The following LRRN4 variants were observed in gnomAD, a reference collection of about 807,000 sequenced individuals.
LRRN4 encodes the protein leucine rich repeat neuronal 4, also known as leucine-rich repeat neuronal protein 4.
LRRN4 carries 26 observed loss-of-function variants against 22.3 expected under a neutral mutation model. That is an observed-to-expected ratio of 1.16 (90% CI 0.85 to 1.62). The LOEUF (loss-of-function observed/expected upper bound fraction) is 1.62, where lower values mean the gene tolerates loss of function less well. Ranked by LOEUF, LRRN4 falls within the 40% of genes most tolerant of loss-of-function variation. The pLI, the probability that LRRN4 is intolerant of heterozygous loss-of-function variation, is 0.00. For synonymous variants in LRRN4, 496 were observed against 486.2 expected, an observed-to-expected ratio of 1.02 and a Z score of -0.26; for missense variants, 1,070 against 1,008.5, an observed-to-expected ratio of 1.06 and a Z score of -0.83.
At chr20:6,052,033 G>A (rs1981256942) in intron 2 of LRRN4, 112 bp downstream of exon 2, 2 of 1,332,884 alleles carry the variant, frequency 1.5e-6, no homozygotes, top group South Asian at 1.5e-5. Flanking sequence ...CCTCCTACGA[G>A]CTGGGCACCC....
Position 6,050,820 on chromosome 20 carries a change from GAT to G in LRRN4, c.817_818del (p.Ile273LeufsTer45). 1 of 1,613,782 alleles carries G rather than the reference GAT, an allele frequency of 6.2e-7. No homozygotes were observed. The highest frequency in any genetic ancestry group is 2.2e-5 in the East Asian group (1 of 44,880). On this transcript the variant is annotated frameshift_variant, in exon 3 of 5. Transcript: ENST00000378858. LOFTEE classifies it high-confidence loss of function. ...CCTGTAGATGTGGAGTATCTTGAAA[GAT>G]GTGTGTGGCGACAGAAGCAAGTGCT... The part of the protein sequence containing the change: ...SPALASVATH[I>X]FQDTPHLQVL...
In LRRN4 at chr20:6,041,702, A is replaced by C. The variant is rs1980957968; in HGVS notation, c.1543T>G (p.Ser515Ala). ...ATPQAPNPSL[S>A]EGEIPVLLLD... Reference sequence around the variant, plus strand: ...AGCAAGACTGGAATCTCGCCCTCGGAAAGACTCGGGTTGGGGGCTTGGGGT... The same window carrying C: ...AGCAAGACTGGAATCTCGCCCTCGGCAAGACTCGGGTTGGGGGCTTGGGGT... Residue 515 changes from serine to alanine, a missense_variant, in exon 5 of 5, where the codon TCC becomes GCC. Ser to Ala is a moderately conservative substitution (Grantham distance 99, BLOSUM62 1). Transcript: ENST00000378858. The surrounding 1 kb of genome is among the most constrained non-coding windows in gnomAD (Gnocchi z 9.4). 1 of 1,613,106 alleles carries C rather than the reference A, an allele frequency of 6.2e-7. No individual in the cohort carries two copies. Among genetic ancestry groups the C allele is most frequent in the Admixed American group, 1.7e-5 (1 of 59,958 alleles).
At chr20:6,050,753 T>G in intron 3 of LRRN4, 26 bp downstream of exon 3, 1 of 1,604,932 alleles carries the variant, frequency 6.2e-7, no homozygotes, top group South Asian at 1.1e-5. Flanking sequence ...AGTCATGTGA[T>G]GAAGATGTGC....
At chr20:6,045,658 T>C (rs908656765) in intron 3 of LRRN4, among the ~76,000 whole-genome samples, 1 of 148,826 alleles carries the variant, frequency 6.7e-6, no homozygotes, top group Non-Finnish European at 1.5e-5. Context: ...GTAGAGAGTA[T>C]CCTCCAAACT....
In LRRN4 at chr20:6,053,786, C is replaced by T. The variant is rs564313309; in HGVS notation, c.-6+44G>A. Reference sequence around the variant, plus strand: ...GAAGGCAGTGAGAAAGATCCTGGAACCTGAAGCCAGGAGCGTGTGCACCCA... The same window carrying T: ...GAAGGCAGTGAGAAAGATCCTGGAATCTGAAGCCAGGAGCGTGTGCACCCA... On this transcript the variant is annotated intron_variant, in intron 1 of 4. Coordinates refer to ENST00000378858, the MANE Select transcript of LRRN4 (RefSeq NM_152611.5). The T allele has an allele frequency of 7.7e-4, 118 of 152,436 alleles. 1 individual carries two copies. Among genetic ancestry groups the T allele is most frequent in the African/African-American group, 2.5e-3 (105 of 41,560 alleles). 9.4% of individuals were successfully genotyped at this position (152,436 alleles called of 1,614,324 possible).
chr20:6,049,356 CTG>C (rs1353453690), intron 3 of LRRN4, among the ~76,000 whole-genome samples: 1 of 152,214 alleles, frequency 6.6e-6, no homozygotes, highest in Non-Finnish European at 1.5e-5. Flanking sequence ...CTATACTGAA[CTG>C]TGAGCTCCCT....
rs778294325 is a variant in LRRN4 at position 6,040,984 on chromosome 20, G to T, written c.*38C>A. 4.3e-6 allele frequency: 7 copies of T among 1,609,748 alleles called. No homozygotes were observed. Among genetic ancestry groups the T allele is most frequent in the Non-Finnish European group, 5.1e-6 (6 of 1,178,342 alleles). Reference sequence around the variant, plus strand: ...GTCTGTGTCTTCCTTTTTGCGCTCAGATCCAGTTCGATGAGACGCGTTATC... The same window carrying T: ...GTCTGTGTCTTCCTTTTTGCGCTCATATCCAGTTCGATGAGACGCGTTATC... On this transcript the variant is annotated 3_prime_UTR_variant, in exon 5 of 5. Transcript: ENST00000378858.
Position 6,041,201 on chromosome 20 carries a change from G to T in LRRN4, c.2044C>A (p.Leu682Ile), listed in dbSNP as rs765103253. Reference protein sequence around the residue: ...AAFTTKPSFALLLSGLCAASG... With the variant: ...AAFTTKPSFAILLSGLCAASG... ...GCGGCGCACAGCCCAGAGAGCAGGAGCGCGAAGCTGGGCTTGGTGGTGAAG... is the reference window on the plus strand; with the variant it reads ...GCGGCGCACAGCCCAGAGAGCAGGATCGCGAAGCTGGGCTTGGTGGTGAAG... Residue 682 changes from leucine (L) to isoleucine (I), a missense_variant, in exon 5 of 5, where the codon CTC (leucine) becomes ATC (isoleucine). Physicochemically the swap from Leu to Ile is conservative, Grantham distance 5 (BLOSUM62 2). Transcript: ENST00000378858. This position sits in a 1 kb window ranked among gnomAD's most constrained non-coding sequence, Gnocchi z 9.4. 1 of 1,589,518 alleles carries T rather than the reference G, an allele frequency of 6.3e-7. No homozygotes were observed. Among genetic ancestry groups the T allele is most frequent in the Non-Finnish European group, 8.6e-7 (1 of 1,166,054 alleles).
Position 6,052,766 on chromosome 20 carries a change from C to G in LRRN4, c.34G>C (p.Val12Leu), listed in dbSNP as rs1981296874. The change falls in exon 2 of 5, where the codon GTG becomes CTG. Residue 12 changes from valine (V) to leucine (L), a missense_variant. Val to Leu is a conservative substitution (Grantham distance 32). Coordinates refer to ENST00000378858, the MANE Select transcript of LRRN4 (RefSeq NM_152611.5). ...GGGTCTGCCCAGCTGGGGCGCAGCA[C>G]CGTCAGCAGCAGCAGCGGTAGGGTT... ...RQTLPLLLLT[V>L]LRPSWADPPQ... 5.1e-6 allele frequency: 8 copies of G among 1,575,138 alleles called. No individual in the cohort carries two copies. Among genetic ancestry groups the G allele is most frequent in the Non-Finnish European group, 6.8e-6 (8 of 1,168,332 alleles).
In LRRN4 at chr20:6,052,646, G is replaced by T. The variant is rs962086352; in HGVS notation, c.154C>A (p.Pro52Thr). 1.1e-5 allele frequency: 17 copies of T among 1,583,372 alleles called. No individual in the cohort carries two copies. The highest frequency in any genetic ancestry group is 1.4e-5 in the Non-Finnish European group (16 of 1,172,656). The change falls in exon 2 of 5, where the codon CCC becomes ACC. Residue 52 changes from proline to threonine, a missense_variant. Transcript: ENST00000378858. ...GTCAAGGCCGTCGCATCCGCGGCGG[G>T]CAGCCCCTCGCAGGGCGAGTCGGTG... ...NATDSPCEGLPAADATALTLA... is the reference protein window; with the variant it reads ...NATDSPCEGLTAADATALTLA...
intron 3 of LRRN4, among the ~76,000 whole-genome samples, chr20:6,049,214 T>G (rs1179209967): frequency 6.6e-6 from 1 of 152,222 alleles, no homozygotes; most frequent in Non-Finnish European, 1.5e-5. Flanking sequence ...GGACCAATTA[T>G]GCTGTTCCTG....
At position 6,041,153 on chromosome 20, in the gene LRRN4, TGCTGGCGAGCAACAGGCCGCTGGCG is replaced by T. The variant is rs1179237506; in HGVS notation, c.2067_2091del (p.Ala690ProfsTer74). 1.1e-5 allele frequency: 17 copies of T among 1,605,780 alleles called. No individual in the cohort carries two copies. The highest frequency in any genetic ancestry group is 1.3e-5 in the Non-Finnish European group (15 of 1,176,066). ...CAGAGACATGCGGACAGCACCACGGTGCTGGCGAGCAACAGGCCGCTGGCGGCGCACAGCCCAGAGAGCAGGAGCG... is the reference window on the plus strand; with the variant it reads ...CAGAGACATGCGGACAGCACCACGGTGCGCACAGCCCAGAGAGCAGGAGCG... On this transcript the variant is annotated frameshift_variant, in exon 5 of 5. Transcript: ENST00000378858. LOFTEE classifies it low-confidence loss of function (END_TRUNC). This position sits in a 1 kb window ranked among gnomAD's most constrained non-coding sequence, Gnocchi z 9.4.
At chr20:6,050,086 C>G (rs1433594965) in intron 3 of LRRN4, among the ~76,000 whole-genome samples, 1 of 152,210 alleles carries the variant, frequency 6.6e-6, no homozygotes, top group Non-Finnish European at 1.5e-5. Flanking sequence ...ATAGCTCTAT[C>G]TTACAGATAA....
Position 6,044,675 on chromosome 20 carries a change from T to C in LRRN4, c.866A>G (p.Asn289Ser). 1 of 1,539,726 alleles carries C rather than the reference T, an allele frequency of 6.5e-7. No homozygotes were observed. The highest frequency in any genetic ancestry group is 8.7e-7 in the Non-Finnish European group (1 of 1,146,052). The change falls in exon 4 of 5, where the codon AAC (asparagine) becomes AGC (serine). Residue 289 changes from asparagine (N) to serine (S), a missense_variant. Transcript: ENST00000378858. ...HLQVLLFQNC[N>S]LSSFPPWTLD... Reference sequence around the variant, plus strand: ...GGTCCAAGGAGGGAAGGAACTCAAGTTGCAGCTGAAATACAAACAAAAAAA... The same window carrying C: ...GGTCCAAGGAGGGAAGGAACTCAAGCTGCAGCTGAAATACAAACAAAAAAA...
chr20:6,042,075 C>T lies in LRRN4; in HGVS notation c.1170G>A (p.Ala390=), dbSNP rs201145558. ...GCCGGGTGGCGGGGGCTGCGCTGGGCGCGACGGTGGTACCCTGTGCGTAGG... is the reference window on the plus strand; with the variant it reads ...GCCGGGTGGCGGGGGCTGCGCTGGGTGCGACGGTGGTACCCTGTGCGTAGG... ...RSTYAQGTTV[A]PSAAPATRPA... is the part of the protein sequence containing the mutation. Residue 390 remains alanine, a synonymous_variant, in exon 5 of 5, where the codon GCG becomes GCA. Transcript: ENST00000378858. 3.3e-5 allele frequency: 53 copies of T among 1,614,020 alleles called. No homozygotes were observed. In the African/African-American group the frequency reaches 4.0e-4, roughly 12 times the overall value.
Position 6,041,346 on chromosome 20 carries a change from G to A in LRRN4, c.1899C>T (p.Ala633=). 6.3e-7 allele frequency: 1 copy of A among 1,597,278 alleles called. No homozygotes were observed. Among genetic ancestry groups the A allele is most frequent in the Non-Finnish European group, 8.5e-7 (1 of 1,174,966 alleles). Residue 633 remains alanine, a synonymous_variant, in exon 5 of 5, where the codon GCC becomes GCT. Transcript: ENST00000378858. The surrounding 1 kb of genome is among the most constrained non-coding windows in gnomAD (Gnocchi z 9.4). ...ACAGCCCGTACAGAGGGTGCTGCCG[G>A]GCCGTGGCGTAGATGACCCCCACCA... ...QSVVGVIYAT[A]RQHPLYGLSP... is the part of the protein sequence containing the mutation.
intron 3 of LRRN4, among the ~76,000 whole-genome samples, chr20:6,048,408 C>T (rs1392777255): frequency 6.6e-6 from 1 of 152,166 alleles, no homozygotes; most frequent in Non-Finnish European, 1.5e-5. Context: ...CAAATTTATA[C>T]CTCTGGCTCA....
intron 3 of LRRN4, among the ~76,000 whole-genome samples, chr20:6,050,535 G>A (rs1264043179): frequency 6.6e-6 from 1 of 152,198 alleles, no homozygotes; most frequent in African/African-American, 2.4e-5. Flanking sequence ...AAACTTTAAA[G>A]GCATAGGAGT....
intron 3 of LRRN4, among the ~76,000 whole-genome samples, chr20:6,047,557 C>A (rs1478842086): frequency 2.0e-5 from 3 of 150,612 alleles, no homozygotes; most frequent in African/African-American, 7.4e-5. Flanking sequence ...GAAGCCGAGG[C>A]AGGCAGATCA....
Sources: gnomAD v4.1 joint callset for allele counts (sites outside exome capture counted in the v4.1 genomes callset) on GRCh38, gnomAD v4.1.1 for gene constraint, Gnocchi (gnomAD v3.1) non-coding constraint, MANE v1.5 for transcripts, NCBI Gene and HGNC (gene_info 2026-07-23, HGNC 2026-07-21) for gene names.